CNTNAP2: variants seen among roughly 807,000 people sequenced by gnomAD.
CNTNAP2 encodes contactin-associated protein-like 2.
CNTNAP2 carries 98 observed loss-of-function variants against 155.2 expected under a neutral mutation model. That is an observed-to-expected ratio of 0.63 (90% CI 0.54 to 0.75). The LOEUF is 0.75. CNTNAP2 is among the 30% of genes least tolerant of loss of function. The probability of loss-of-function intolerance (pLI) is 0.00; values close to 1 mark genes in which losing one functional copy is unlikely to be tolerated. For synonymous variants in CNTNAP2, 651 were observed against 631.2 expected (o/e 1.03, Z -0.47); for missense variants, 1,727 against 1,688.1 (o/e 1.02, Z -0.40).
intron 11 of CNTNAP2, among the ~76,000 whole-genome samples, chr7:147,509,322 T>A (rs528635735): frequency 4.0e-4 from 61 of 152,280 alleles, no homozygotes; most frequent in Non-Finnish European, 5.4e-4. Flanking sequence ...TCAAAAAATA[T>A]CTTATTAACT....
chr7:147,659,885 T>A (rs1409152846), intron 13 of CNTNAP2, among the ~76,000 whole-genome samples: 2 of 152,126 alleles, frequency 1.3e-5, no homozygotes, highest in Non-Finnish European at 2.9e-5. Flanking sequence ...AGAAATGAGG[T>A]GGAAAACAAA....
At chr7:146,893,718 A>G (rs925904374) in intron 3 of CNTNAP2, among the ~76,000 whole-genome samples, 3 of 152,074 alleles carry the variant, frequency 2.0e-5, no homozygotes, top group Admixed American at 2.0e-4. Context: ...TCTCTTTAGG[A>G]TAGTCTTCAA....
intron 2 of CNTNAP2, among the ~76,000 whole-genome samples, chr7:146,806,318 C>G (rs1407029261): frequency 6.6e-6 from 1 of 151,522 alleles, no homozygotes; most frequent in Non-Finnish European, 1.5e-5. Context: ...TTGTGAAACC[C>G]TGTCTCTACT....
At chr7:147,663,267 A>T (rs893592802) in intron 13 of CNTNAP2, among the ~76,000 whole-genome samples, 3 of 152,234 alleles carry the variant, frequency 2.0e-5, no homozygotes, top group Non-Finnish European at 4.4e-5. Context: ...ACGTGCTGGG[A>T]TTACAGGCGT....
intron 9 of CNTNAP2, among the ~76,000 whole-genome samples, chr7:147,394,848 T>TGTGTGTGTGTG (rs1563188019): frequency 6.7e-6 from 1 of 149,840 alleles, no homozygotes; most frequent in African/African-American, 2.5e-5. Context: ...TGTGTGTGTG[T>TGTGTGTGTGTG]TTACTCTTGT....
At chr7:146,275,539 T>G (rs1421597500) in intron 1 of CNTNAP2, among the ~76,000 whole-genome samples, 1 of 152,192 alleles carries the variant, frequency 6.6e-6, no homozygotes, top group South Asian at 2.1e-4. Context: ...AAATGATTAT[T>G]TCCAAAGCTG....
chr7:148,119,112 T>G (rs1804541904), intron 16 of CNTNAP2, among the ~76,000 whole-genome samples: 1 of 152,136 alleles, frequency 6.6e-6, no homozygotes, highest in South Asian at 2.1e-4. Flanking sequence ...CCGTTGGCTG[T>G]GAGAGTCAGG....
chr7:146,931,893 G>T lies in CNTNAP2; in HGVS notation c.402+91989G>T, dbSNP rs188968164. 5.1e-3 allele frequency among the ~76,000 whole-genome samples: 773 copies of T among 152,260 alleles called. 5 individuals carry two copies. The highest frequency in any genetic ancestry group is 0.018 in the African/African-American group (752 of 41,542). The stretch of plus-strand genomic sequence containing the variant: ...CCTCCCAAGACTAATCCAGGAAGAA[G>T]TTGAATCTCCGAATAGACCAATAAC... On this transcript the variant is annotated intron_variant, in intron 3 of 23. Transcript: ENST00000361727.
intron 13 of CNTNAP2, among the ~76,000 whole-genome samples, chr7:147,887,249 A>G (rs770288934): frequency 1.3e-5 from 2 of 152,198 alleles, no homozygotes; most frequent in Non-Finnish European, 2.9e-5. Flanking sequence ...AGGTGGGTGG[A>G]TCACCTGTGG....
At chr7:147,925,425 A>G (rs945183437) in intron 14 of CNTNAP2, among the ~76,000 whole-genome samples, 14 of 151,960 alleles carry the variant, frequency 9.2e-5, no homozygotes, top group African/African-American at 3.1e-4. Context: ...CATCATTTAC[A>G]TTGGGTTTAC....
intron 9 of CNTNAP2, among the ~76,000 whole-genome samples, chr7:147,339,250 G>T (rs1188657541): frequency 2.0e-5 from 3 of 152,120 alleles, no homozygotes; most frequent in African/African-American, 7.2e-5. Flanking sequence ...GTGAGGTGGG[G>T]CATAGTGGAA....
At chr7:146,248,168 C>G (rs1799694685) in intron 1 of CNTNAP2, among the ~76,000 whole-genome samples, 1 of 151,256 alleles carries the variant, frequency 6.6e-6, no homozygotes, top group South Asian at 2.1e-4. Context: ...TATAAGAGGT[C>G]CGGGTGCGGA....
chr7:146,123,594 A>G (rs1480461200), intron 1 of CNTNAP2, among the ~76,000 whole-genome samples: 1 of 152,190 alleles, frequency 6.6e-6, no homozygotes, highest in African/African-American at 2.4e-5. Context: ...TCATATTGAA[A>G]TAGTATGTGA....
At chr7:146,334,229 A>G (rs2129095191) in intron 1 of CNTNAP2, among the ~76,000 whole-genome samples, 1 of 152,300 alleles carries the variant, frequency 6.6e-6, no homozygotes, top group South Asian at 2.1e-4. Context: ...CAGGAGATCG[A>G]GACCATCCTG....
intron 9 of CNTNAP2, among the ~76,000 whole-genome samples, chr7:147,329,389 T>G (rs1376353411): frequency 6.6e-6 from 1 of 152,032 alleles, no homozygotes; most frequent in Non-Finnish European, 1.5e-5. Flanking sequence ...TTCTTGTAAT[T>G]TATATATACA....
At chr7:147,908,935 A>G (rs924119423) in intron 14 of CNTNAP2, among the ~76,000 whole-genome samples, 1 of 152,218 alleles carries the variant, frequency 6.6e-6, no homozygotes, top group African/African-American at 2.4e-5. Context: ...TCTTATCAGC[A>G]AAATAGAAAT....
intron 12 of CNTNAP2, among the ~76,000 whole-genome samples, chr7:147,629,399 G>A (rs1033571211): frequency 1.6e-5 from 2 of 123,288 alleles, no homozygotes; most frequent in Non-Finnish European, 3.3e-5. Flanking sequence ...GCAAAACTCT[G>A]TCTCAAAAAT....
At chr7:147,752,767 T>G (rs1797156343) in intron 13 of CNTNAP2, among the ~76,000 whole-genome samples, 1 of 152,196 alleles carries the variant, frequency 6.6e-6, no homozygotes, top group Non-Finnish European at 1.5e-5. Context: ...TGGGATCAAA[T>G]TATTTGCCAG....
chr7:146,865,726 T>C, intron 3 of CNTNAP2, among the ~76,000 whole-genome samples: 1 of 152,108 alleles, frequency 6.6e-6, no homozygotes, highest in East Asian at 1.9e-4. Flanking sequence ...TAATCAGCCA[T>C]TTATTAGGAC....
Sources: gnomAD v4.1 joint callset for allele counts (sites outside exome capture counted in the v4.1 genomes callset) on GRCh38, gnomAD v4.1.1 for gene constraint, MANE v1.5 for transcripts, NCBI Gene and HGNC (gene_info 2026-07-23, HGNC 2026-07-21) for gene names.